EPSTI1: variants seen among roughly 807,000 people sequenced by gnomAD.
EPSTI1 encodes the protein epithelial stromal interaction 1, also known as epithelial-stromal interaction protein 1.
In EPSTI1, 66 loss-of-function variants were observed where a neutral mutation model predicts 49.9. The observed-to-expected ratio is 1.32, with a 90% confidence interval of 1.08 to 1.62. The LOEUF is 1.62. Ranked by LOEUF, EPSTI1 falls within the 40% of genes most tolerant of loss-of-function variation. The pLI is 0.00. For synonymous variants in EPSTI1, 137 were observed against 130.7 expected, an observed-to-expected ratio of 1.05 and a Z score of -0.33; for missense variants, 394 against 365.5, an observed-to-expected ratio of 1.08 and a Z score of -0.64.
At chr13:42,955,877 T>TTGG (rs372278878) in intron 5 of EPSTI1, among the ~76,000 whole-genome samples, 30 of 105,544 alleles carry the variant, frequency 2.8e-4, no homozygotes, top group African/African-American at 1.1e-3. Flanking sequence ...AAGAAGTATT[T>TTGG]GGGGGGGGGG....
intron 6 of EPSTI1, among the ~76,000 whole-genome samples, chr13:42,949,157 C>A (rs889376957): frequency 6.6e-6 from 1 of 152,168 alleles, no homozygotes; most frequent in East Asian, 1.9e-4. Flanking sequence ...AAATATATTT[C>A]TTTGGCATAT....
At position 42,886,508 on chromosome 13, in the gene EPSTI1, A is replaced by C. The variant is rs1464679487; in HGVS notation, c.*1986T>G. On this transcript the variant is annotated 3_prime_UTR_variant, in exon 11 of 11. Coordinates refer to ENST00000313624, the MANE Select transcript of EPSTI1 (RefSeq NM_033255.5). ...CGATTTTCTTGTTTTTATTTTCTAC[A>C]AAAAAAAAAGCGGGGGGACATTAAA... 1 of 148,264 alleles carries C rather than the reference A, an allele frequency of 6.7e-6. No homozygotes were observed. Among genetic ancestry groups the C allele is most frequent in the Non-Finnish European group, 1.5e-5 (1 of 66,826 alleles). 9.2% of individuals were successfully genotyped at this position (148,264 alleles called of 1,614,324 possible).
At chr13:42,913,537 A>G (rs1382795695) in intron 8 of EPSTI1, among the ~76,000 whole-genome samples, 2 of 152,234 alleles carry the variant, frequency 1.3e-5, no homozygotes, top group African/African-American at 4.8e-5. Context: ...ACTGTATCAC[A>G]TGTCCACAGA....
intron 7 of EPSTI1, among the ~76,000 whole-genome samples, chr13:42,918,458 C>CA (rs1267432731): frequency 6.6e-6 from 1 of 152,224 alleles, no homozygotes; most frequent in Non-Finnish European, 1.5e-5. Flanking sequence ...CAGCAGGTTA[C>CA]ATATTTCAGA....
intron 8 of EPSTI1, among the ~76,000 whole-genome samples, chr13:42,916,565 T>C (rs934139122): frequency 6.6e-6 from 1 of 152,196 alleles, no homozygotes; most frequent in African/African-American, 2.4e-5. Context: ...ACAATTGTTG[T>C]AATAAATTAC....
intron 8 of EPSTI1, among the ~76,000 whole-genome samples, chr13:42,903,047 C>A (rs1419421590): frequency 1.3e-5 from 2 of 152,134 alleles, no homozygotes; most frequent in Non-Finnish European, 2.9e-5. Context: ...ATTATTTTCA[C>A]TTTCATTAAT....
chr13:42,942,943 C>T (rs1187149312), intron 6 of EPSTI1, among the ~76,000 whole-genome samples: 2 of 152,040 alleles, frequency 1.3e-5, no homozygotes, highest in African/African-American at 4.8e-5. Flanking sequence ...CCACCTCGGC[C>T]TCCCAAAGTG....
At chr13:42,972,155 A>T (rs2039783303) in intron 1 of EPSTI1, among the ~76,000 whole-genome samples, 1 of 152,184 alleles carries the variant, frequency 6.6e-6, no homozygotes, top group South Asian at 2.1e-4. Flanking sequence ...GCCAATCATG[A>T]AATTGCTACA....
chr13:42,927,558 G>A lies in EPSTI1; in HGVS notation c.564-1129C>T, dbSNP rs184767811. Among the ~76,000 whole-genome samples, 150 of 152,286 alleles carry A rather than the reference G, an allele frequency of 9.8e-4. No individual in the cohort carries two copies. In the Middle Eastern group the frequency reaches 0.014, roughly 14 times the overall value. ...CAAAGGAAACACAAAGTATCTGGTA[G>A]AACAAATGGCATCCAGTGTAGGAGC... On this transcript the variant is annotated intron_variant, in intron 6 of 10. Transcript: ENST00000313624.
intron 4 of EPSTI1, chr13:42,963,565 T>G: frequency 1.8e-6 from 1 of 549,652 alleles, no homozygotes; most frequent in South Asian, 2.3e-5. Context: ...TGTCTCTTTT[T>G]CAACGTCTCT....
chr13:42,910,985 T>C (rs1468432026), intron 8 of EPSTI1, among the ~76,000 whole-genome samples: 1 of 152,218 alleles, frequency 6.6e-6, no homozygotes, highest in Non-Finnish European at 1.5e-5. Context: ...ATAGTAAAGA[T>C]TAAAATTTAT....
intron 6 of EPSTI1, among the ~76,000 whole-genome samples, chr13:42,948,466 TTTTTTTTG>T (rs1318388843): frequency 6.6e-6 from 1 of 151,526 alleles, no homozygotes; most frequent in African/African-American, 2.4e-5. Context: ...TTTTGTGTTT[TTTTTTTTG>T]TTTTTGTTTT....
intron 6 of EPSTI1, among the ~76,000 whole-genome samples, chr13:42,951,760 T>C (rs2039104239): frequency 6.6e-6 from 1 of 152,216 alleles, no homozygotes; most frequent in Non-Finnish European, 1.5e-5. Flanking sequence ...AACTATCCAG[T>C]CCTGTGCCCA....
At chr13:42,890,775 A>G (rs2153407648) in intron 10 of EPSTI1, among the ~76,000 whole-genome samples, 2 of 152,138 alleles carry the variant, frequency 1.3e-5, no homozygotes, top group East Asian at 3.9e-4. Context: ...TGGATTTTCT[A>G]CGTAAATAAT....
chr13:42,961,968 C>T (rs935341027), intron 5 of EPSTI1, among the ~76,000 whole-genome samples: 6 of 152,156 alleles, frequency 3.9e-5, no homozygotes, highest in African/African-American at 9.7e-5. Context: ...TCACTTCCCT[C>T]GGCCATTTCC....
intron 5 of EPSTI1, among the ~76,000 whole-genome samples, chr13:42,962,370 TAC>T (rs150362766): frequency 0.012 from 1,804 of 152,280 alleles, 32 homozygotes; most frequent in South Asian, 0.091. Flanking sequence ...GGGAAGGGTC[TAC>T]AGATCAACTC....
intron 6 of EPSTI1, among the ~76,000 whole-genome samples, chr13:42,928,681 C>T (rs186448199): frequency 1.3e-3 from 191 of 152,306 alleles, no homozygotes; most frequent in South Asian, 9.8e-3. Context: ...AGGAAAATCT[C>T]GCCTCAACAG....
intron 1 of EPSTI1, among the ~76,000 whole-genome samples, chr13:42,973,500 T>G (rs770868578): frequency 1.3e-5 from 2 of 152,210 alleles, no homozygotes; most frequent in Non-Finnish European, 2.9e-5. Context: ...CATTGCCAAG[T>G]AAATGGTAAG....
chr13:42,903,427 G>C (rs1240966976), intron 8 of EPSTI1, among the ~76,000 whole-genome samples: 3 of 152,126 alleles, frequency 2.0e-5, no homozygotes, highest in South Asian at 2.1e-4. Flanking sequence ...GAGGATGCAG[G>C]GGGAGGGAGA....
Sources: gnomAD v4.1 joint callset for allele counts (sites outside exome capture counted in the v4.1 genomes callset) on GRCh38, gnomAD v4.1.1 for gene constraint, MANE v1.5 for transcripts, NCBI Gene and HGNC (gene_info 2026-07-23, HGNC 2026-07-21) for gene names.